The following USH2A variants were observed in gnomAD, a reference collection of about 807,000 sequenced individuals.
USH2A encodes the protein Usher syndrome 2A (autosomal recessive, mild).
A neutral mutation model predicts 538.9 loss-of-function variants in USH2A; 443 were observed. The ratio of observed to expected loss-of-function variants is 0.82; its 90% CI spans 0.76 to 0.89. The LOEUF is 0.89. Among genes scored for constraint, USH2A ranks in the 40% least tolerant of loss-of-function variants. USH2A has a pLI of 0.00. For missense variants in USH2A, 6,633 were observed against 6,324.8 expected, an observed-to-expected ratio of 1.05 and a Z score of -1.65; for synonymous variants, 2,413 against 2,273.5, an observed-to-expected ratio of 1.06 and a Z score of -1.75.
At chr1:215,893,238 T>G in intron 40 of USH2A, among the ~76,000 whole-genome samples, 1 of 152,194 alleles carries the variant, frequency 6.6e-6, no homozygotes, top group Admixed American at 6.5e-5. Context: ...CAGAATGTTC[T>G]TTTATAGGCA....
chr1:215,705,807 T>A (rs909556149), intron 61 of USH2A, among the ~76,000 whole-genome samples: 1 of 152,174 alleles, frequency 6.6e-6, no homozygotes. Context: ...AAATGATATT[T>A]TAAGGATGGT....
chr1:215,808,563 C>T (rs1052771152), intron 49 of USH2A, among the ~76,000 whole-genome samples: 4 of 152,112 alleles, frequency 2.6e-5, no homozygotes, highest in South Asian at 2.1e-4. Flanking sequence ...AACACCCTCA[C>T]GCTATCCCTG....
At chr1:215,780,666 CT>C (rs1230244227) in intron 54 of USH2A, among the ~76,000 whole-genome samples, 2 of 152,136 alleles carry the variant, frequency 1.3e-5, no homozygotes, top group Non-Finnish European at 2.9e-5. Flanking sequence ...ATAGAATTAA[CT>C]TTTTTCACTT....
rs76455468 is a variant in USH2A at position 216,265,000 on chromosome 1, G to C, written c.1972-13902C>G. ...CTAGGAGACGTGCTTCAGGACATTG[G>C]TCTGGGCAAATGGAATTACATCAAA... On this transcript the variant is annotated intron_variant, in intron 11 of 71. Transcript: ENST00000307340. Among the ~76,000 whole-genome samples, 1,396 of 152,172 alleles carry C rather than the reference G, an allele frequency of 9.2e-3. 18 individuals are homozygous for C. Among genetic ancestry groups the C allele is most frequent in the African/African-American group, 0.033 (1,351 of 41,518 alleles).
chr1:216,300,399 G>A (rs1414967827), intron 9 of USH2A, among the ~76,000 whole-genome samples: 1 of 152,128 alleles, frequency 6.6e-6, no homozygotes, highest in African/African-American at 2.4e-5. Context: ...ATTAGACAAT[G>A]GCTATATCAG....
In USH2A at chr1:215,623,938, T is replaced by C. The variant is rs1414488450; in HGVS notation, c.*1843A>G. On this transcript the variant is annotated 3_prime_UTR_variant, in exon 72 of 72. Coordinates refer to ENST00000307340, the MANE Select transcript of USH2A (RefSeq NM_206933.4). ...GTCCACCAAGGATTAGGATGCAAGT[T>C]TGTGACCACTCCTTTCCTATATACC... 1 of 152,142 alleles carries C rather than the reference T, an allele frequency of 6.6e-6. No homozygotes were observed. The highest frequency in any genetic ancestry group is 1.5e-5 in the Non-Finnish European group (1 of 68,022). The allele number at this position is 152,142 out of a possible 1,614,324, so 9.4% of individuals were successfully genotyped here.
At chr1:216,025,983 TAGAG>T (rs1415718697) in intron 32 of USH2A, among the ~76,000 whole-genome samples, 1 of 152,064 alleles carries the variant, frequency 6.6e-6, no homozygotes, top group Non-Finnish European at 1.5e-5. Flanking sequence ...GAGGGAAAAA[TAGAG>T]AGGGCAATAC....
At chr1:216,302,730 G>T (rs1246815273) in intron 9 of USH2A, among the ~76,000 whole-genome samples, 1 of 152,056 alleles carries the variant, frequency 6.6e-6, no homozygotes, top group East Asian at 1.9e-4. Context: ...TCTAATTCAA[G>T]TAATGCCTAG....
intron 61 of USH2A, among the ~76,000 whole-genome samples, chr1:215,719,632 T>C (rs534341217): frequency 1.3e-5 from 2 of 152,202 alleles, no homozygotes; most frequent in East Asian, 1.9e-4. Flanking sequence ...CTCTGTTTTT[T>C]CAAAAAGAAG....
chr1:215,892,860 C>A (rs1277663305), intron 40 of USH2A, among the ~76,000 whole-genome samples: 3 of 152,090 alleles, frequency 2.0e-5, no homozygotes, highest in African/African-American at 7.2e-5. Flanking sequence ...ATTGGAAGGA[C>A]ATTATTTGAT....
intron 58 of USH2A, among the ~76,000 whole-genome samples, chr1:215,750,223 C>CT (rs931636143): frequency 1.3e-5 from 2 of 152,038 alleles, no homozygotes; most frequent in African/African-American, 4.8e-5. Context: ...TTGATTAGGC[C>CT]TTTTTGGGGG....
chr1:215,845,522 A>C (rs923248828), intron 45 of USH2A, among the ~76,000 whole-genome samples: 20 of 152,144 alleles, frequency 1.3e-4, no homozygotes, highest in African/African-American at 4.6e-4. Flanking sequence ...AAATCTTAAA[A>C]AAAAAGTTTC....
chr1:215,722,478 C>G (rs1033127059), intron 61 of USH2A, among the ~76,000 whole-genome samples: 1 of 152,214 alleles, frequency 6.6e-6, no homozygotes, highest in African/African-American at 2.4e-5. Context: ...TACTCACACA[C>G]TCTTCATAAC....
At chr1:215,839,871 T>G (rs1663627460) in intron 46 of USH2A, among the ~76,000 whole-genome samples, 1 of 152,086 alleles carries the variant, frequency 6.6e-6, no homozygotes, top group Non-Finnish European at 1.5e-5. Context: ...AAAAAGTAGA[T>G]ACTTGGCTAG....
intron 3 of USH2A, among the ~76,000 whole-genome samples, chr1:216,377,959 G>A (rs1368679682): frequency 6.6e-6 from 1 of 151,956 alleles, no homozygotes; most frequent in African/African-American, 2.4e-5. Context: ...GAACAGGGGA[G>A]GGAGGGAAGG....
intron 11 of USH2A, among the ~76,000 whole-genome samples, chr1:216,266,469 C>T (rs952629606): frequency 3.3e-5 from 5 of 152,074 alleles, no homozygotes; most frequent in Admixed American, 6.6e-5. Context: ...GTTATATTAT[C>T]GGTTGCCTGT....
At chr1:215,914,212 C>CT (rs893862029) in intron 38 of USH2A, among the ~76,000 whole-genome samples, 3 of 150,204 alleles carry the variant, frequency 2.0e-5, no homozygotes, top group African/African-American at 4.9e-5. Context: ...TAGCAACAGA[C>CT]TTTTTTTTTC....
At chr1:215,940,874 A>T (rs1666614662) in intron 37 of USH2A, among the ~76,000 whole-genome samples, 1 of 152,094 alleles carries the variant, frequency 6.6e-6, no homozygotes, top group Middle Eastern at 3.2e-3. Flanking sequence ...CTATTTTATC[A>T]ACTCACCAAA....
intron 21 of USH2A, among the ~76,000 whole-genome samples, chr1:216,165,140 A>G (rs2034140627): frequency 6.6e-6 from 1 of 152,162 alleles, no homozygotes; most frequent in East Asian, 1.9e-4. Flanking sequence ...CATAGCATTG[A>G]TCACTGTTGT....
Sources: allele counts gnomAD v4.1 joint callset (sites outside exome capture counted in the v4.1 genomes callset), GRCh38; gene constraint gnomAD v4.1.1; transcripts MANE v1.5; gene names NCBI Gene and HGNC (gene_info 2026-07-23, HGNC 2026-07-21).